CD101: variants seen among roughly 807,000 people sequenced by gnomAD.
CD101 encodes immunoglobulin superfamily member 2.
Under a neutral mutation model 98.2 loss-of-function variants are expected in CD101, and 76 were observed. The observed-to-expected ratio is 0.77, with a 90% CI of 0.64 to 0.94. CD101 has a LOEUF of 0.94. Among genes scored for constraint, CD101 ranks in the 40% least tolerant of loss-of-function variants. CD101 has a pLI of 0.00. For synonymous variants in CD101, 471 were observed against 472.7 expected, an observed-to-expected ratio of 1.00 and a Z score of 0.05; for missense variants, 1,145 against 1,218.8, an observed-to-expected ratio of 0.94 and a Z score of 0.90.
intron 2 of CD101, 132 bp from the exon 3 acceptor site, chr1:117,011,418 G>A (rs974992450): frequency 1.4e-6 from 1 of 717,786 alleles, no homozygotes; most frequent in Non-Finnish European, 2.3e-6. Flanking sequence ...ATATGGATAG[G>A]AAAGCATATG....
rs1283610793 is a variant in CD101, at chr1:117,006,805, T to A, written c.44-3045T>A. Among the ~76,000 whole-genome samples, 1 of 152,192 alleles carries A rather than the reference T, an allele frequency of 6.6e-6. No homozygotes were observed. The highest frequency in any genetic ancestry group is 2.4e-5 in the African/African-American group (1 of 41,452). ...GTGACTACTATCCACTTGATTGGAT[T>A]ATGAAATCCAGAAGTCAGAATCTAG... is the stretch of plus-strand genomic sequence containing the variant. On this transcript the variant is annotated intron_variant, in intron 1 of 9. Transcript: ENST00000682167. This position sits in a 1 kb window ranked among gnomAD's most constrained non-coding sequence, Gnocchi z 4.4.
At chr1:117,029,225 G>GAAGGAAAGAAAGAAAAGAAAGA (rs1654236622) in intron 8 of CD101, among the ~76,000 whole-genome samples, 2 of 49,848 alleles carry the variant, frequency 4.0e-5, no homozygotes, top group African/African-American at 1.2e-4. Flanking sequence ...AAGAAAGAAA[G>GAAGGAAAGAAAGAAAAGAAAGA]AAAGAAAGAA....
chr1:117,009,260 A>G (rs1339845717), intron 1 of CD101, among the ~76,000 whole-genome samples: 2 of 152,244 alleles, frequency 1.3e-5, no homozygotes, highest in African/African-American at 4.8e-5. Flanking sequence ...AGAAATGACA[A>G]AACAAAACCA....
rs1653585423 is a variant in CD101 at position 117,021,598 on chromosome 1, G to A, written c.2043G>A (p.Arg681=). The A allele has an allele frequency of 6.3e-7, 1 of 1,580,454 alleles. No homozygotes were observed. Among genetic ancestry groups the A allele is most frequent in the Non-Finnish European group, 8.6e-7 (1 of 1,167,998 alleles). ...LPESKLKVNS[R]SQVQELSINS... ...AGAGCAAGCTAAAAGTGAATTCAAG[G>A]AGTCAAGTCCAAGAGCTCTCCATCA... The change falls in exon 7 of 10, where the codon AGG becomes AGA. Residue 681 remains arginine, a synonymous_variant. Coordinates refer to ENST00000682167, the MANE Select transcript of CD101 (RefSeq NM_001256106.3). This position sits in a 1 kb window ranked among gnomAD's most constrained non-coding sequence, Gnocchi z 4.7.
In CD101 at chr1:117,009,902, T is replaced by G; in HGVS notation, c.96T>G (p.Phe32Leu). Residue 32 changes from phenylalanine (F) to leucine (L), a missense_variant, in exon 2 of 10, where the codon TTT becomes TTG. Physicochemically the swap from Phe to Leu is conservative, Grantham distance 22. Coordinates refer to ENST00000682167, the MANE Select transcript of CD101 (RefSeq NM_001256106.3). The stretch of plus-strand genomic sequence containing the variant: ...TAACAGTTCAGAAAGGACCACTGTT[T>G]AGAGCTGAAGGTTACCCAGTCAGCA... ...REVTVQKGPL[F>L]RAEGYPVSIG... The G allele has an allele frequency of 6.2e-7, 1 of 1,613,854 alleles. No homozygotes were observed. The highest frequency in any genetic ancestry group is 8.5e-7 in the Non-Finnish European group (1 of 1,179,948).
At position 117,021,067 on chromosome 1, in the gene CD101, G is replaced by A. The variant is rs1653554842; in HGVS notation, c.2018-506G>A. Among the ~76,000 whole-genome samples the A allele has an allele frequency of 6.6e-6, 1 of 152,156 alleles. No homozygotes were observed. Among genetic ancestry groups the A allele is most frequent in the Admixed American group, 6.5e-5 (1 of 15,268 alleles). ...GTACAACTTCCTTTTGTTTACCCACGTTTGAAGGCAGATACAACTAGAGTT... is the reference window on the plus strand; with the variant it reads ...GTACAACTTCCTTTTGTTTACCCACATTTGAAGGCAGATACAACTAGAGTT... On this transcript the variant is annotated intron_variant, in intron 6 of 9. Transcript: ENST00000682167. The surrounding 1 kb of genome is among the most constrained non-coding windows in gnomAD (Gnocchi z 4.7).
At chr1:117,017,538 G>C in intron 5 of CD101, 65 bp downstream of exon 5, 1 of 1,511,562 alleles carries the variant, frequency 6.6e-7, no homozygotes, top group East Asian at 2.3e-5. Flanking sequence ...CAGTGGAACT[G>C]GATTGCGTGT....
At chr1:117,029,213 A>AAAAG (rs61165020) in intron 8 of CD101, among the ~76,000 whole-genome samples, 1,813 of 71,816 alleles carry the variant, frequency 0.025, 104 homozygotes, top group South Asian at 0.031. Context: ...GAAAAGAAAG[A>AAAAG]AAAGAAAGAA....
Position 117,022,275 on chromosome 1 carries a change from C to T in CD101, c.2428+292C>T, listed in dbSNP as rs1383985737. On this transcript the variant is annotated intron_variant, in intron 7 of 9. Coordinates refer to ENST00000682167, the MANE Select transcript of CD101 (RefSeq NM_001256106.3). This position sits in a 1 kb window ranked among gnomAD's most constrained non-coding sequence, Gnocchi z 4.8. ...TGCAGCTACCCAGGGTATCGTATCTCCAGATCTCTATCATAACAAGCTGTG... is the reference window on the plus strand; with the variant it reads ...TGCAGCTACCCAGGGTATCGTATCTTCAGATCTCTATCATAACAAGCTGTG... Among the ~76,000 whole-genome samples, 1 of 152,164 alleles carries T rather than the reference C, an allele frequency of 6.6e-6. No homozygotes were observed. The highest frequency in any genetic ancestry group is 1.5e-5 in the Non-Finnish European group (1 of 68,042).
chr1:117,023,846 G>A lies in CD101; in HGVS notation c.2429-1663G>A, dbSNP rs1000713471. On this transcript the variant is annotated intron_variant, in intron 7 of 9. Coordinates refer to ENST00000682167, the MANE Select transcript of CD101 (RefSeq NM_001256106.3). This position sits in a 1 kb window ranked among gnomAD's most constrained non-coding sequence, Gnocchi z 4.4. Reference sequence around the variant, plus strand: ...GAGGCCCCAGAAAGATGCTGAGAATGACTGGTCAGAGTTGTAAGGGGGATA... The same window carrying A: ...GAGGCCCCAGAAAGATGCTGAGAATAACTGGTCAGAGTTGTAAGGGGGATA... Among the ~76,000 whole-genome samples, 1 of 152,148 alleles carries A rather than the reference G, an allele frequency of 6.6e-6. No individual in the cohort carries two copies. The highest frequency in any genetic ancestry group is 2.4e-5 in the African/African-American group (1 of 41,412).
chr1:117,003,775 C>T (rs1190638111), intron 1 of CD101, among the ~76,000 whole-genome samples: 3 of 152,190 alleles, frequency 2.0e-5, no homozygotes, highest in Non-Finnish European at 4.4e-5. Context: ...ACATTTACTT[C>T]TTCTAAATTC....
intron 9 of CD101, 183 bp downstream of exon 9, chr1:117,034,317 T>G (rs1654665897): frequency 1.7e-6 from 1 of 583,480 alleles, no homozygotes; most frequent in Admixed American, 3.0e-5. Context: ...GCATCCCCCC[T>G]TGGAACAAGA....
chr1:117,016,952 A>G, intron 4 of CD101, 138 bp from the exon 5 acceptor site: 1 of 815,942 alleles, frequency 1.2e-6, no homozygotes, highest in Non-Finnish European at 1.9e-6. Flanking sequence ...CTTTTGCCTG[A>G]GGGTGGTGCA....
At chr1:117,027,019 C>T (rs1371342393) in intron 8 of CD101, among the ~76,000 whole-genome samples, 1 of 152,176 alleles carries the variant, frequency 6.6e-6, no homozygotes, top group Non-Finnish European at 1.5e-5. Flanking sequence ...CAAATCACAG[C>T]TCTACTACCA....
In CD101 at chr1:117,010,030, C is replaced by T; in HGVS notation, c.224C>T (p.Thr75Ile). Residue 75 changes from threonine to isoleucine, a missense_variant, in exon 2 of 10, where the codon ACC becomes ATC. Physicochemically the swap from Thr to Ile is moderately conservative, Grantham distance 89. Transcript: ENST00000682167. The surrounding 1 kb of genome is among the most constrained non-coding windows in gnomAD (Gnocchi z 5.2). ...NPTQEVQIIS[T>I]KDAAFSYAVY... ...ACCCAGGAAGTCCAGATCATTAGCA[C>T]CAAGGATGCTGCCTTCTCTTACGCA... The T allele has an allele frequency of 6.2e-7, 1 of 1,614,204 alleles. No individual in the cohort carries two copies. The highest frequency in any genetic ancestry group is 8.5e-7 in the Non-Finnish European group (1 of 1,180,028).
intron 3 of CD101, 121 bp from the exon 4 acceptor site, chr1:117,013,285 T>G: frequency 8.1e-7 from 1 of 1,230,554 alleles, no homozygotes; most frequent in Non-Finnish European, 1.1e-6. Context: ...CGCTATAGAA[T>G]TGAACTCCCA....
intron 1 of CD101, among the ~76,000 whole-genome samples, chr1:117,002,397 A>G (rs144117096): frequency 6.6e-6 from 1 of 152,356 alleles, no homozygotes; most frequent in Non-Finnish European, 1.5e-5. Context: ...AGGAAGATTC[A>G]CTTGGCTCTA....
At chr1:117,026,066 A>G (rs1009332308) in intron 8 of CD101, 162 bp downstream of exon 8, 47 of 685,282 alleles carry the variant, frequency 6.9e-5, no homozygotes, top group Non-Finnish European at 1.1e-4. Flanking sequence ...GTCTCTCTCA[A>G]TAGTAACTCA....
rs1003874430 is a variant in CD101 at position 117,012,336 on chromosome 1, A to G, written c.841+370A>G. ...TTGAGTCTCCATTTTAAAAATGAGGACTCTGAACTTCAGACATGCTAGATG... is the reference window on the plus strand; with the variant it reads ...TTGAGTCTCCATTTTAAAAATGAGGGCTCTGAACTTCAGACATGCTAGATG... On this transcript the variant is annotated intron_variant, in intron 3 of 9. Transcript: ENST00000682167. The surrounding 1 kb of genome is among the most constrained non-coding windows in gnomAD (Gnocchi z 4.0). Among the ~76,000 whole-genome samples the G allele has an allele frequency of 1.3e-5, 2 of 152,106 alleles. No individual in the cohort carries two copies. The highest frequency in any genetic ancestry group is 4.8e-5 in the African/African-American group (2 of 41,416).
Sources: allele counts gnomAD v4.1 joint callset (sites outside exome capture counted in the v4.1 genomes callset), GRCh38; gene constraint gnomAD v4.1.1; non-coding constraint Gnocchi (gnomAD v3.1); transcripts MANE v1.5; gene names NCBI Gene and HGNC (gene_info 2026-07-23, HGNC 2026-07-21).